Variants in SYN3 observed in about 807,000 individuals in gnomAD.
SYN3 encodes synapsin-3.
A neutral mutation model predicts 65.8 loss-of-function variants in SYN3; 35 were observed. That is an observed-to-expected ratio of 0.53 (90% confidence interval 0.41 to 0.70). The LOEUF (loss-of-function observed/expected upper bound fraction) is 0.70, where lower values mean the gene tolerates loss of function less well. SYN3 is among the 30% of genes least tolerant of loss of function. The pLI is 0.00. For missense variants in SYN3, 680 were observed against 749.0 expected, an observed-to-expected ratio of 0.91 and a Z score of 1.08; for synonymous variants, 270 against 292.9, an observed-to-expected ratio of 0.92 and a Z score of 0.80.
intron 6 of SYN3, among the ~76,000 whole-genome samples, chr22:32,732,193 A>G (rs1020922490): frequency 1.3e-5 from 2 of 152,150 alleles, no homozygotes; most frequent in Admixed American, 6.5e-5. Context: ...CTCTCATTTG[A>G]CAGTAAGGCA....
chr22:33,044,681 C>T (rs1352479218), intron 1 of SYN3, among the ~76,000 whole-genome samples: 1 of 151,856 alleles, frequency 6.6e-6, no homozygotes, highest in Non-Finnish European at 1.5e-5. Context: ...TCAAACATCA[C>T]CTTTTCTGTG....
chr22:32,710,098 C>CACATAT (rs71320948), intron 6 of SYN3, among the ~76,000 whole-genome samples: 25,826 of 128,784 alleles, frequency 0.2, 3,089 homozygotes, highest in East Asian at 0.59. Context: ...CACACACACA[C>CACATAT]ATGTGTGTGT....
At chr22:33,023,301 T>C (rs1209354571) in intron 1 of SYN3, among the ~76,000 whole-genome samples, 1 of 152,162 alleles carries the variant, frequency 6.6e-6, no homozygotes, top group African/African-American at 2.4e-5. Context: ...TTTCCCATGC[T>C]GTTCTTGTGG....
chr22:32,711,548 A>T (rs2060966021), intron 6 of SYN3, among the ~76,000 whole-genome samples: 1 of 152,228 alleles, frequency 6.6e-6, no homozygotes, highest in Middle Eastern at 3.4e-3. Context: ...GAGAAGAAAG[A>T]TTCTTCAATG....
At chr22:32,929,845 C>A (rs1481052111) in intron 4 of SYN3, among the ~76,000 whole-genome samples, 1 of 152,120 alleles carries the variant, frequency 6.6e-6, no homozygotes, top group African/African-American at 2.4e-5. Flanking sequence ...TTTGGCTGAT[C>A]TAGTGAATAC....
At position 32,904,113 on chromosome 22, in the gene SYN3, G is replaced by C. The variant is rs553750868; in HGVS notation, c.461+27277C>G. Among the ~76,000 whole-genome samples the C allele has an allele frequency of 2.6e-5, 4 of 152,360 alleles. No individual in the cohort carries two copies. The East Asian group carries it at 5.8e-4, about 22-fold the overall frequency. Reference sequence around the variant, plus strand: ...TGCTTTAAAGGTGGGTAATAAATGAGACTTGTTTAAAGTTATAAATTATGG... The same window carrying C: ...TGCTTTAAAGGTGGGTAATAAATGACACTTGTTTAAAGTTATAAATTATGG... On this transcript the variant is annotated intron_variant, in intron 4 of 13. Coordinates refer to ENST00000358763, the MANE Select transcript of SYN3 (RefSeq NM_003490.4).
intron 6 of SYN3, among the ~76,000 whole-genome samples, chr22:32,662,328 C>G (rs1033449053): frequency 2.1e-4 from 32 of 152,304 alleles, no homozygotes; most frequent in African/African-American, 7.7e-4. Flanking sequence ...ACTCCCAAAT[C>G]TTATCTATAG....
chr22:32,529,229 G>C (rs1034122843), intron 10 of SYN3: 1 of 544,806 alleles, frequency 1.8e-6, no homozygotes, highest in East Asian at 2.9e-5. Context: ...TTCGGCCCAC[G>C]TTTGCTGGAT....
intron 4 of SYN3, among the ~76,000 whole-genome samples, chr22:32,873,351 CA>C (rs913512374): frequency 3.3e-5 from 5 of 150,430 alleles, no homozygotes; most frequent in Non-Finnish European, 7.4e-5. Context: ...AGGATGGATT[CA>C]ACTCTGTTAA....
chr22:32,611,568 A>G (rs1206848522), intron 6 of SYN3, among the ~76,000 whole-genome samples: 2 of 152,082 alleles, frequency 1.3e-5, no homozygotes, highest in African/African-American at 4.8e-5. Context: ...CTGCGATTAC[A>G]GGCTTGAGCC....
intron 6 of SYN3, among the ~76,000 whole-genome samples, chr22:32,676,259 A>AG (rs130746): frequency 1 from 152,326 of 152,328 alleles, 76,162 homozygotes; most frequent in Middle Eastern, 1. Flanking sequence ...GGCGTATCCC[A>AG]GGGCTGGAAG....
chr22:32,686,953 A>G (rs1229232680), intron 6 of SYN3, among the ~76,000 whole-genome samples: 2 of 151,930 alleles, frequency 1.3e-5, no homozygotes, highest in Non-Finnish European at 2.9e-5. Flanking sequence ...ACACAACTAA[A>G]TATCAGCAGA....
intron 3 of SYN3, among the ~76,000 whole-genome samples, chr22:32,944,418 T>C (rs2051039685): frequency 6.6e-6 from 1 of 152,120 alleles, no homozygotes; most frequent in Non-Finnish European, 1.5e-5. Context: ...TAATCCAGCA[T>C]ATAAACAGAA....
intron 4 of SYN3, among the ~76,000 whole-genome samples, chr22:32,927,498 C>T (rs1355003752): frequency 1.3e-5 from 2 of 152,066 alleles, no homozygotes; most frequent in East Asian, 3.9e-4. Context: ...AATCCACCCA[C>T]CTGGCCTCCC....
intron 6 of SYN3, among the ~76,000 whole-genome samples, chr22:32,652,363 T>TAA (rs1242210858): frequency 1.4e-5 from 2 of 147,868 alleles, no homozygotes; most frequent in African/African-American, 2.5e-5. Flanking sequence ...TTCCCACACC[T>TAA]AAGTCTGCGA....
chr22:32,513,152 G>C lies in SYN3; in HGVS notation c.*540C>G, dbSNP rs930647293. ...CTTTGCCTGCCTGGTCTAAGGGCGG[G>C]TCTTGAGCGTGGATGGAACTAGCGT... On this transcript the variant is annotated 3_prime_UTR_variant, in exon 14 of 14. Coordinates refer to ENST00000358763, the MANE Select transcript of SYN3 (RefSeq NM_003490.4). 2 of 152,706 alleles carry C rather than the reference G, an allele frequency of 1.3e-5. No individual in the cohort carries two copies. The allele number at this position is 152,706 out of a possible 1,614,324, so 9.5% of individuals were successfully genotyped here.
chr22:32,995,770 C>T (rs1362776189), intron 2 of SYN3, among the ~76,000 whole-genome samples: 2 of 152,044 alleles, frequency 1.3e-5, no homozygotes, highest in South Asian at 4.2e-4. Flanking sequence ...TCAAGTGATT[C>T]TCCTGCCTCA....
In SYN3 at chr22:32,679,053, T is replaced by C. The variant is rs1161023826; in HGVS notation, c.712-82317A>G. Among the ~76,000 whole-genome samples the C allele has an allele frequency of 2.3e-3, 309 of 136,278 alleles. 1 individual carries two copies. The highest frequency in any genetic ancestry group is 6.9e-3 in the African/African-American group (253 of 36,840). 89.4% of individuals were successfully genotyped at this position (136,278 alleles called of 152,430 possible). A position where few individuals can be genotyped will look rare whatever the true frequency, so the allele number is the denominator to read the frequency against. On this transcript the variant is annotated intron_variant, in intron 6 of 13. Transcript: ENST00000358763. ...TCTTTTTTCTTTGTTTCTTTCTTTT[T>C]TTTTTTTTTTTTTTTTTGAGATGGA...
chr22:32,669,914 G>T (rs2060337897), intron 6 of SYN3, among the ~76,000 whole-genome samples: 1 of 152,144 alleles, frequency 6.6e-6, no homozygotes, highest in Non-Finnish European at 1.5e-5. Flanking sequence ...CATGAGGCAG[G>T]TATAGCAATA....
Sources: gnomAD v4.1 joint callset for allele counts (sites outside exome capture counted in the v4.1 genomes callset) on GRCh38, gnomAD v4.1.1 for gene constraint, MANE v1.5 for transcripts, NCBI Gene and HGNC (gene_info 2026-07-23, HGNC 2026-07-21) for gene names.